UNC13C: variants seen among roughly 807,000 people sequenced by gnomAD.
The protein encoded by UNC13C is unc-13 homolog C, also known as protein unc-13 homolog C.
UNC13C carries 174 observed loss-of-function variants against 245.4 expected under a neutral mutation model. The observed-to-expected ratio is 0.71, with a 90% CI of 0.63 to 0.80. The LOEUF (loss-of-function observed/expected upper bound fraction) is 0.80. UNC13C is among the 30% of genes least tolerant of loss of function. The probability of loss-of-function intolerance (pLI) is 0.00; values close to 1 mark genes in which losing one functional copy is unlikely to be tolerated. For missense variants in UNC13C, 2,829 were observed against 2,602.9 expected, an observed-to-expected ratio of 1.09 and a Z score of -1.89; for synonymous variants, 992 against 895.1, an observed-to-expected ratio of 1.11 and a Z score of -1.93.
At position 54,014,184 on chromosome 15, in the gene UNC13C, T is replaced by C; in HGVS notation, c.1281T>C (p.Tyr427=). 1 of 1,613,820 alleles carries C rather than the reference T, an allele frequency of 6.2e-7. No individual in the cohort carries two copies. Among genetic ancestry groups the C allele is most frequent in the Non-Finnish European group, 8.5e-7 (1 of 1,179,836 alleles). The part of the protein sequence containing the change: ...KEKGIPSSQT[Y]ESMAIKLSTP... The stretch of plus-strand genomic sequence containing the variant: ...AAGGGATACCATCCTCCCAGACATA[T>C]GAGAGCATGGCTATAAAGTTGTCTA... Residue 427 remains tyrosine (Y), a synonymous_variant, in exon 2 of 33, where the codon TAT becomes TAC. Coordinates refer to ENST00000260323, the MANE Select transcript of UNC13C (RefSeq NM_001080534.3).
intron 2 of UNC13C, among the ~76,000 whole-genome samples, chr15:54,079,082 G>T (rs1444728640): frequency 6.7e-6 from 1 of 149,156 alleles, no homozygotes; most frequent in Non-Finnish European, 1.5e-5. Flanking sequence ...CTCTCTCTTT[G>T]TCTATTTTTG....
chr15:54,464,591 G>C (rs1207624048), intron 19 of UNC13C, among the ~76,000 whole-genome samples: 1 of 152,052 alleles, frequency 6.6e-6, no homozygotes, highest in African/African-American at 2.4e-5. Flanking sequence ...AGTGGTCATA[G>C]TACAAGGAAA....
At chr15:54,471,968 T>A (rs1258350551) in intron 19 of UNC13C, among the ~76,000 whole-genome samples, 1 of 151,734 alleles carries the variant, frequency 6.6e-6, no homozygotes, top group African/African-American at 2.4e-5. Context: ...AAAACAGTTG[T>A]TGATAGATAA....
chr15:54,100,875 C>G (rs1369416265), intron 2 of UNC13C, among the ~76,000 whole-genome samples: 2 of 151,910 alleles, frequency 1.3e-5, no homozygotes, highest in African/African-American at 4.8e-5. Flanking sequence ...TCTTCTCACT[C>G]CCCAGCCCAT....
At chr15:54,458,733 G>T (rs368543339) in intron 19 of UNC13C, among the ~76,000 whole-genome samples, 3 of 115,852 alleles carry the variant, frequency 2.6e-5, no homozygotes, top group East Asian at 6.1e-4. Context: ...CTCACTTTTG[G>T]ATTCCATTTC....
At position 54,237,708 on chromosome 15, in the gene UNC13C, C is replaced by T. The variant is rs1376996470; in HGVS notation, c.3228+18C>T. On this transcript the variant is annotated intron_variant, in intron 7 of 32. Coordinates refer to ENST00000260323, the MANE Select transcript of UNC13C (RefSeq NM_001080534.3). ...AGGAACTGGTAAGTACTAGATATTGCTCATAATATCTAACTAGATATTGCT... is the reference window on the plus strand; with the variant it reads ...AGGAACTGGTAAGTACTAGATATTGTTCATAATATCTAACTAGATATTGCT... 3.2e-6 allele frequency: 5 copies of T among 1,553,502 alleles called. No individual in the cohort carries two copies. Among genetic ancestry groups the T allele is most frequent in the African/African-American group, 1.4e-5 (1 of 73,818 alleles).
intron 2 of UNC13C, among the ~76,000 whole-genome samples, chr15:54,130,486 G>T (rs1425817217): frequency 2.0e-5 from 3 of 151,670 alleles, no homozygotes; most frequent in Non-Finnish European, 2.9e-5. Context: ...TAGAGTCGAG[G>T]TTTCACCGTG....
At chr15:54,527,712 C>T (rs141516557) in intron 25 of UNC13C, among the ~76,000 whole-genome samples, 377 of 152,178 alleles carry the variant, frequency 2.5e-3, no homozygotes, top group Admixed American at 3.9e-3. Flanking sequence ...GTAAAACCTG[C>T]GGCTACCCAG....
chr15:54,172,729 T>TATATATAA (rs2033458172), intron 4 of UNC13C, among the ~76,000 whole-genome samples: 1 of 58,058 alleles, frequency 1.7e-5, no homozygotes. Flanking sequence ...TATATATATA[T>TATATATAA]ATATATATAT....
intron 29 of UNC13C, among the ~76,000 whole-genome samples, chr15:54,566,935 G>A (rs1431720694): frequency 6.6e-6 from 1 of 152,044 alleles, no homozygotes; most frequent in Non-Finnish European, 1.5e-5. Flanking sequence ...CTCTAGCATT[G>A]TTGGTACGGG....
chr15:54,118,098 C>G (rs1240468332), intron 2 of UNC13C, among the ~76,000 whole-genome samples: 1 of 150,736 alleles, frequency 6.6e-6, no homozygotes, highest in Non-Finnish European at 1.5e-5. Flanking sequence ...TCAGCTTTTT[C>G]TTTATTTTCA....
chr15:54,530,827 G>A (rs935538655), intron 25 of UNC13C, among the ~76,000 whole-genome samples: 1 of 152,120 alleles, frequency 6.6e-6, no homozygotes, highest in Non-Finnish European at 1.5e-5. Context: ...CAAGAAATGA[G>A]ATCAGTGAGA....
intron 4 of UNC13C, among the ~76,000 whole-genome samples, chr15:54,178,674 A>G (rs981289659): frequency 6.6e-6 from 1 of 152,132 alleles, no homozygotes; most frequent in Non-Finnish European, 1.5e-5. Flanking sequence ...TTGCTCACAC[A>G]AAGGATAAAG....
At chr15:54,461,492 A>G (rs566444436) in intron 19 of UNC13C, among the ~76,000 whole-genome samples, 10 of 152,326 alleles carry the variant, frequency 6.6e-5, no homozygotes, top group African/African-American at 2.4e-4. Context: ...TTGTTAGTCT[A>G]TAATTTGATT....
chr15:54,042,068 C>T (rs920854309), intron 2 of UNC13C, among the ~76,000 whole-genome samples: 5 of 152,082 alleles, frequency 3.3e-5, no homozygotes, highest in East Asian at 1.9e-4. Flanking sequence ...CAAGATGCTG[C>T]GATTTTTAAA....
chr15:53,865,466 C>T, the UNC13C span, among the ~76,000 whole-genome samples: 7 of 152,182 alleles, frequency 4.6e-5, no homozygotes, highest in Non-Finnish European at 7.3e-5. Flanking sequence ...GCATGAGCCC[C>T]TGGTGTCTCT....
At chr15:53,975,627 C>T (rs950386008), upstream of UNC13C, among the ~76,000 whole-genome samples, 1 of 152,106 alleles carries the variant, frequency 6.6e-6, no homozygotes, top group Admixed American at 6.5e-5. Context: ...CAAGAATGAC[C>T]CCTTTACTTG....
chr15:54,583,936 C>G (rs1020687295), intron 30 of UNC13C, among the ~76,000 whole-genome samples: 3 of 152,232 alleles, frequency 2.0e-5, no homozygotes, highest in African/African-American at 7.2e-5. Context: ...GGGAAAGCCC[C>G]AGGACAAAGC....
chr15:53,864,782 T>A, the UNC13C span, among the ~76,000 whole-genome samples: 34 of 152,308 alleles, frequency 2.2e-4, no homozygotes, highest in South Asian at 5.0e-3. Flanking sequence ...TAAAATGGCA[T>A]TGGAGACCAT....
Sources: allele counts gnomAD v4.1 joint callset (sites outside exome capture counted in the v4.1 genomes callset), GRCh38; gene constraint gnomAD v4.1.1; transcripts MANE v1.5; gene names NCBI Gene and HGNC (gene_info 2026-07-23, HGNC 2026-07-21).